The following FRMD4B variants were observed in gnomAD, a reference collection of about 807,000 sequenced individuals.
FRMD4B encodes FERM domain containing 4B.
A neutral mutation model predicts 141.5 loss-of-function variants in FRMD4B; 74 were observed. The ratio of observed to expected loss-of-function variants is 0.52; its 90% confidence interval spans 0.43 to 0.63. FRMD4B has a LOEUF of 0.63. FRMD4B is among the 30% of genes least tolerant of loss of function. FRMD4B has a pLI of 0.00. For missense variants in FRMD4B, 1,366 were observed against 1,253.4 expected, an observed-to-expected ratio of 1.09 and a Z score of -1.36; for synonymous variants, 506 against 467.9, an observed-to-expected ratio of 1.08 and a Z score of -1.05.
chr3:69,384,090 C>A (rs1262288279), intron 1 of FRMD4B, among the ~76,000 whole-genome samples: 1 of 152,058 alleles, frequency 6.6e-6, no homozygotes, highest in Non-Finnish European at 1.5e-5. Context: ...ACACAGCACA[C>A]TGCCTGACTA....
intron 20 of FRMD4B, 139 bp downstream of exon 20, chr3:69,182,459 T>C: frequency 1.4e-6 from 1 of 727,204 alleles, no homozygotes; most frequent in South Asian, 2.6e-5. Context: ...AAACCATAAG[T>C]TAGCAGAAAA....
At chr3:69,531,782 C>A (rs1002706796) in intron 1 of FRMD4B, among the ~76,000 whole-genome samples, 1 of 152,156 alleles carries the variant, frequency 6.6e-6, no homozygotes, top group South Asian at 2.1e-4. Context: ...AAGCTCAGTG[C>A]TAGAAAGTAC....
intron 3 of FRMD4B, among the ~76,000 whole-genome samples, chr3:69,305,929 A>G (rs1294925421): frequency 1.3e-5 from 2 of 152,240 alleles, no homozygotes; most frequent in African/African-American, 2.4e-5. Context: ...ATATTTCTGG[A>G]GAGTCACACA....
At chr3:69,486,913 A>G (rs1318314687) in intron 1 of FRMD4B, among the ~76,000 whole-genome samples, 1 of 152,214 alleles carries the variant, frequency 6.6e-6, no homozygotes, top group Non-Finnish European at 1.5e-5. Context: ...AAGACAAAAC[A>G]GGATAAATAA....
intron 1 of FRMD4B, among the ~76,000 whole-genome samples, chr3:69,367,091 C>G (rs1028591784): frequency 6.6e-6 from 1 of 152,056 alleles, no homozygotes; most frequent in Non-Finnish European, 1.5e-5. Context: ...AATGGACATA[C>G]TAGACAAACA....
Position 69,182,726 on chromosome 3 carries a change from A to G in FRMD4B, c.1920-9T>C. ...GTGTGGACAGCATTTCTCTGTGATG[A>G]TAAAAAGAAGAATTCAGGAAATGAT... On this transcript the variant is annotated splice_polypyrimidine_tract_variant and intron_variant, in intron 19 of 22. Coordinates refer to ENST00000398540, the MANE Select transcript of FRMD4B (RefSeq NM_015123.3). 6.2e-7 allele frequency: 1 copy of G among 1,610,556 alleles called. No individual in the cohort carries two copies. The highest frequency in any genetic ancestry group is 8.5e-7 in the Non-Finnish European group (1 of 1,178,972).
At chr3:69,448,868 A>AT (rs1038096823) in intron 1 of FRMD4B, among the ~76,000 whole-genome samples, 3 of 152,270 alleles carry the variant, frequency 2.0e-5, no homozygotes, top group African/African-American at 7.2e-5. Context: ...TATTCCTTGA[A>AT]TTTTTTTAGT....
intron 1 of FRMD4B, among the ~76,000 whole-genome samples, chr3:69,499,065 G>A (rs1706450601): frequency 6.6e-6 from 1 of 152,186 alleles, no homozygotes; most frequent in Non-Finnish European, 1.5e-5. Context: ...AAGACACTGA[G>A]CTGAGACAGA....
chr3:69,499,193 C>A (rs1034197458), intron 1 of FRMD4B, among the ~76,000 whole-genome samples: 3 of 152,060 alleles, frequency 2.0e-5, no homozygotes, highest in Non-Finnish European at 4.4e-5. Flanking sequence ...GTGCCCTGAA[C>A]CCAGGAGAAA....
At chr3:69,363,800 T>G (rs1703551419) in intron 1 of FRMD4B, among the ~76,000 whole-genome samples, 1 of 152,190 alleles carries the variant, frequency 6.6e-6, no homozygotes, top group South Asian at 2.1e-4. Flanking sequence ...AATAAGGTCA[T>G]CATGACTAGC....
At chr3:69,321,459 G>A (rs923599584) in intron 1 of FRMD4B, among the ~76,000 whole-genome samples, 2 of 152,096 alleles carry the variant, frequency 1.3e-5, no homozygotes, top group Non-Finnish European at 2.9e-5. Flanking sequence ...TTTTCTGTGC[G>A]GTCACCTTCT....
intron 7 of FRMD4B, among the ~76,000 whole-genome samples, chr3:69,241,440 G>C (rs2093382409): frequency 6.6e-6 from 1 of 152,198 alleles, no homozygotes; most frequent in Admixed American, 6.5e-5. Flanking sequence ...AAGTATTGTA[G>C]AGAGGAAAAT....
chr3:69,193,450 G>C (rs900966670), intron 17 of FRMD4B, among the ~76,000 whole-genome samples, 198 bp downstream of exon 17: 2 of 152,216 alleles, frequency 1.3e-5, no homozygotes, highest in African/African-American at 4.8e-5. Context: ...GGAGTTTGCA[G>C]TGAGCCGAGA....
At chr3:69,236,227 G>GTTTTTT (rs1559741226) in intron 7 of FRMD4B, among the ~76,000 whole-genome samples, 1 of 149,510 alleles carries the variant, frequency 6.7e-6, no homozygotes, top group Non-Finnish European at 1.5e-5. Flanking sequence ...TTATTGTTTT[G>GTTTTTT]GTTTTTTTTT....
chr3:69,535,726 G>C (rs929898797), intron 1 of FRMD4B: 1 of 398,492 alleles, frequency 2.5e-6, no homozygotes, highest in South Asian at 1.8e-5. Context: ...AGCCTTTCAC[G>C]GGCACTTGGG....
intron 21 of FRMD4B, among the ~76,000 whole-genome samples, chr3:69,178,029 A>G: frequency 6.6e-6 from 1 of 152,184 alleles, no homozygotes; most frequent in East Asian, 1.9e-4. Flanking sequence ...CAAGGACATA[A>G]TTTGGGAGCG....
chr3:69,256,547 T>A (rs1398715439), intron 5 of FRMD4B, among the ~76,000 whole-genome samples: 1 of 152,210 alleles, frequency 6.6e-6, no homozygotes, highest in South Asian at 2.1e-4. Context: ...CTCGAACTCC[T>A]GACTTCAAGT....
chr3:69,218,855 C>T (rs1206062112), intron 9 of FRMD4B, among the ~76,000 whole-genome samples: 2 of 152,028 alleles, frequency 1.3e-5, no homozygotes, highest in Non-Finnish European at 1.5e-5. Flanking sequence ...GGTATGTAAA[C>T]CTGACTTAAA....
At chr3:69,252,270 A>G (rs1444461157) in intron 5 of FRMD4B, among the ~76,000 whole-genome samples, 1 of 152,226 alleles carries the variant, frequency 6.6e-6, no homozygotes, top group African/African-American at 2.4e-5. Flanking sequence ...GAAATGAGGA[A>G]CTGAGCAAGA....
Sources: gnomAD v4.1 joint callset for allele counts (sites outside exome capture counted in the v4.1 genomes callset) on GRCh38, gnomAD v4.1.1 for gene constraint, MANE v1.5 for transcripts, NCBI Gene and HGNC (gene_info 2026-07-23, HGNC 2026-07-21) for gene names.